UGGT1: variants seen among roughly 807,000 people sequenced by gnomAD.
UGGT1 encodes the protein UDP-glucose glycoprotein glucosyltransferase 1.
In UGGT1, 107 loss-of-function variants were observed where a neutral mutation model predicts 203.9. That is an observed-to-expected ratio of 0.52 (90% confidence interval 0.45 to 0.62). UGGT1 has a LOEUF of 0.62. Among genes scored for constraint, UGGT1 ranks in the 20% least tolerant of loss-of-function variants. UGGT1 has a pLI of 0.00. For missense variants in UGGT1, 1,673 were observed against 1,867.2 expected (o/e 0.90, Z 1.92); for synonymous variants, 628 against 653.5 (o/e 0.96, Z 0.59).
intron 20 of UGGT1, 70 bp downstream of exon 20, chr2:128,155,657 G>A (rs7569288): frequency 5.8e-6 from 7 of 1,211,586 alleles, no homozygotes; most frequent in South Asian, 1.4e-5. Context: ...TCATCTTAAT[G>A]TGCAAATTAA....
At chr2:128,131,979 A>C (rs1025865630) in intron 13 of UGGT1, among the ~76,000 whole-genome samples, 1 of 152,164 alleles carries the variant, frequency 6.6e-6, no homozygotes, top group Non-Finnish European at 1.5e-5. Context: ...CAACTTTATT[A>C]GATCCAGTTC....
chr2:128,159,488 A>G, intron 22 of UGGT1, 26 bp from the exon 23 acceptor site: 1 of 1,594,440 alleles, frequency 6.3e-7, no homozygotes, highest in South Asian at 1.1e-5. Context: ...CTACAATATG[A>G]CTCCCGTTTC....
chr2:128,175,705 C>T (rs887238707), intron 31 of UGGT1, among the ~76,000 whole-genome samples: 4 of 152,224 alleles, frequency 2.6e-5, no homozygotes, highest in African/African-American at 9.6e-5. Flanking sequence ...TTGGGATGCA[C>T]TTCCGAACTC....
intron 11 of UGGT1, among the ~76,000 whole-genome samples, chr2:128,124,197 C>T (rs1688508565): frequency 1.3e-5 from 2 of 152,170 alleles, no homozygotes; most frequent in African/African-American, 2.4e-5. Context: ...CCACCCGCCT[C>T]GGCCTCCCAA....
rs1687766438 is a variant in UGGT1 at position 128,109,751 on chromosome 2, AT to A, written c.521+7del. On this transcript the variant is annotated splice_donor_region_variant and intron_variant, in intron 5 of 40. Transcript: ENST00000259253. Reference sequence around the variant, plus strand: ...TCTACTGACAGCCTCTGAAAGGTAGATTATGTGTTTCTTTATTTTCATGTCA... The same window carrying A: ...TCTACTGACAGCCTCTGAAAGGTAGATATGTGTTTCTTTATTTTCATGTCA... 1 of 1,607,166 alleles carries A rather than the reference AT, an allele frequency of 6.2e-7. No individual in the cohort carries two copies. Among genetic ancestry groups the A allele is most frequent in the Non-Finnish European group, 8.5e-7 (1 of 1,174,126 alleles).
rs963980086 is a variant in UGGT1, at chr2:128,129,106, A to G, written c.1304A>G (p.His435Arg). ...TTGGGAATAGAAGGCCTTTCTCTGC[A>G]TAATGTTTTGAAGCTGAACATCCAG... The part of the protein sequence containing the change: ...HRLGIEGLSL[H>R]NVLKLNIQPS... The change falls in exon 13 of 41, where the codon CAT becomes CGT. Residue 435 changes from histidine to arginine, a missense_variant. By Grantham distance (29) the His-to-Arg change is conservative. This residue lies in a region of UGGT1 where 1,073 missense variants were observed against 1,078.7 expected (regional missense o/e 0.99). Transcript: ENST00000259253. 7.4e-6 allele frequency: 12 copies of G among 1,614,140 alleles called. No homozygotes were observed. Among genetic ancestry groups the G allele is most frequent in the Admixed American group, 6.7e-5 (4 of 60,010 alleles).
At chr2:128,121,368 G>T in intron 10 of UGGT1, 70 bp downstream of exon 10, 8 of 992,214 alleles carry the variant, frequency 8.1e-6, no homozygotes, top group East Asian at 2.8e-5. Flanking sequence ...GCCAAATGAG[G>T]TAATAACAAT....
chr2:128,148,756 CT>C (rs199732053), intron 18 of UGGT1, among the ~76,000 whole-genome samples: 1 of 151,464 alleles, frequency 6.6e-6, no homozygotes, highest in Non-Finnish European at 1.5e-5. Flanking sequence ...ATTCCCCAGC[CT>C]TTTTTTTTCT....
chr2:128,117,914 T>C (rs1193749086), intron 8 of UGGT1, among the ~76,000 whole-genome samples: 2 of 151,986 alleles, frequency 1.3e-5, no homozygotes, highest in Non-Finnish European at 1.5e-5. Context: ...GATAATTGTT[T>C]AGAGCCCTGA....
chr2:128,141,875 T>C (rs536856100), intron 16 of UGGT1, among the ~76,000 whole-genome samples: 1 of 152,100 alleles, frequency 6.6e-6, no homozygotes, highest in African/African-American at 2.4e-5. Context: ...CTCTCCCCTC[T>C]CCCTTTCCTC....
intron 40 of UGGT1, 106 bp downstream of exon 40, chr2:128,187,720 ATTAATCCTTCCATTC>A: frequency 8.0e-7 from 1 of 1,248,072 alleles, no homozygotes; most frequent in Non-Finnish European, 1.1e-6. Context: ...AAAATCTCCT[ATTAATCCTTCCATTC>A]TAACATCAAC....
chr2:128,169,818 G>A (rs973520330), intron 26 of UGGT1, among the ~76,000 whole-genome samples: 3 of 152,232 alleles, frequency 2.0e-5, no homozygotes, highest in Non-Finnish European at 4.4e-5. Context: ...GTTTATACAG[G>A]CATCTAGAAA....
At chr2:128,186,465 G>A (rs1290501665) in intron 38 of UGGT1, among the ~76,000 whole-genome samples, 1 of 152,038 alleles carries the variant, frequency 6.6e-6, no homozygotes, top group African/African-American at 2.4e-5. Flanking sequence ...AAATTGGCCA[G>A]GCATGGTGGC....
chr2:128,143,359 C>T (rs186096806), intron 17 of UGGT1, 134 bp downstream of exon 17: 2 of 1,041,242 alleles, frequency 1.9e-6, no homozygotes, highest in Non-Finnish European at 2.6e-6. Context: ...GTTTAGAAAC[C>T]AGATCACTTT....
At chr2:128,126,491 C>T (rs1688606526) in intron 11 of UGGT1, among the ~76,000 whole-genome samples, 1 of 152,088 alleles carries the variant, frequency 6.6e-6, no homozygotes, top group South Asian at 2.1e-4. Flanking sequence ...ATCCACCCGC[C>T]TCGGCCTCTC....
At chr2:128,116,870 T>G (rs1688127263) in intron 8 of UGGT1, among the ~76,000 whole-genome samples, 1 of 152,190 alleles carries the variant, frequency 6.6e-6, no homozygotes, top group Admixed American at 6.5e-5. Context: ...CTGCCCACAG[T>G]TTAAGTGCGT....
Position 128,091,434 on chromosome 2 carries a change from A to C in UGGT1, c.58+19A>C. The C allele has an allele frequency of 6.4e-7, 1 of 1,573,378 alleles. No homozygotes were observed. Among genetic ancestry groups the C allele is most frequent in the Non-Finnish European group, 8.6e-7 (1 of 1,159,292 alleles). ...GTGACAGGTACCCAGGGGTGGCGTG[A>C]GGAGGCCTCGTGGACAAAGAGAGGG... On this transcript the variant is annotated intron_variant, in intron 1 of 40. Coordinates refer to ENST00000259253, the MANE Select transcript of UGGT1 (RefSeq NM_020120.4).
chr2:128,165,752 T>C (rs1420703068), intron 26 of UGGT1, among the ~76,000 whole-genome samples: 1 of 152,092 alleles, frequency 6.6e-6, no homozygotes, highest in Non-Finnish European at 1.5e-5. Context: ...CTCATTCATC[T>C]TTTATTGAAA....
chr2:128,133,525 T>C (rs1688984423), intron 14 of UGGT1, among the ~76,000 whole-genome samples: 1 of 152,250 alleles, frequency 6.6e-6, no homozygotes, highest in African/African-American at 2.4e-5. Flanking sequence ...ACTATTGTTT[T>C]AGTCTTTTAA....
Sources: gnomAD v4.1 joint callset for allele counts (sites outside exome capture counted in the v4.1 genomes callset) on GRCh38, gnomAD v4.1.1 for gene constraint, gnomAD v4.1.1 regional missense constraint, MANE v1.5 for transcripts, NCBI Gene and HGNC (gene_info 2026-07-23, HGNC 2026-07-21) for gene names.